Variants in NINJ2 observed in about 807,000 individuals in gnomAD.
The protein encoded by NINJ2 is ninjurin-2.
A neutral mutation model predicts 11.7 loss-of-function variants in NINJ2; 12 were observed. The ratio of observed to expected loss-of-function variants is 1.02; its 90% confidence interval spans 0.66 to 1.66. The LOEUF is 1.66. NINJ2 is among the 40% of genes most tolerant of loss of function. NINJ2 has a pLI of 0.00. For missense variants in NINJ2, 187 were observed against 181.8 expected, an observed-to-expected ratio of 1.03 and a Z score of -0.16; for synonymous variants, 93 against 76.8, an observed-to-expected ratio of 1.21 and a Z score of -1.10.
intron 1 of NINJ2, among the ~76,000 whole-genome samples, chr12:597,183 G>A (rs1947799449): frequency 6.6e-6 from 1 of 152,182 alleles, no homozygotes. Flanking sequence ...GTAGGCTGTG[G>A]GTTTCCGGGT....
At chr12:611,176 T>TCTTTTCTTTCCTC (rs945289520) in intron 1 of NINJ2, among the ~76,000 whole-genome samples, 2 of 149,332 alleles carry the variant, frequency 1.3e-5, no homozygotes, top group Admixed American at 1.3e-4. Context: ...TTTCTTTCCT[T>TCTTTTCTTTCCTC]CTTTTCTTTC....
chr12:620,811 G>A (rs1047013305), intron 1 of NINJ2, among the ~76,000 whole-genome samples: 2 of 152,124 alleles, frequency 1.3e-5, no homozygotes, highest in African/African-American at 4.8e-5. Context: ...TGTATTTTTA[G>A]TAGAGACGGG....
rs907830144 is a variant in NINJ2 at position 633,811 on chromosome 12, T to TA, written c.33+29516dup. 2.4e-4 allele frequency among the ~76,000 whole-genome samples: 37 copies of TA among 152,016 alleles called. No individual in the cohort carries two copies. Among genetic ancestry groups the TA allele is most frequent in the Middle Eastern group, 3.4e-3 (1 of 294 alleles). Reference sequence around the variant, plus strand: ...TCCTGGGTAACAGAGTGAGATTGTGTAAAAAAAACAAACCACTTTAGAGTT... The same window carrying TA: ...TCCTGGGTAACAGAGTGAGATTGTGTAAAAAAAAACAAACCACTTTAGAGTT... On this transcript the variant is annotated intron_variant, in intron 1 of 3. Transcript: ENST00000305108. The surrounding 1 kb of genome is among the most constrained non-coding windows in gnomAD (Gnocchi z 4.3).
At chr12:648,143 G>A (rs1455125033) in intron 1 of NINJ2, among the ~76,000 whole-genome samples, 10 of 152,046 alleles carry the variant, frequency 6.6e-5, no homozygotes, top group African/African-American at 2.4e-4. Context: ...TGTGATCCTC[G>A]GCTCACTGCA....
chr12:575,329 G>C (rs544213445), intron 1 of NINJ2, among the ~76,000 whole-genome samples: 1 of 152,088 alleles, frequency 6.6e-6, no homozygotes, highest in African/African-American at 2.4e-5. Flanking sequence ...CCTGAAGAGC[G>C]AACCCTGTGC....
At chr12:599,523 A>C (rs1482073894) in intron 1 of NINJ2, among the ~76,000 whole-genome samples, 1 of 152,232 alleles carries the variant, frequency 6.6e-6, no homozygotes, top group African/African-American at 2.4e-5. Context: ...CACGTTGAGC[A>C]GCGTGTAAGA....
intron 1 of NINJ2, among the ~76,000 whole-genome samples, chr12:651,599 G>T (rs1937786786): frequency 6.6e-6 from 1 of 152,230 alleles, no homozygotes; most frequent in Non-Finnish European, 1.5e-5. Context: ...AATTGGAAGA[G>T]AAGAGCAAGC....
chr12:618,889 C>T (rs1948123202), intron 1 of NINJ2, among the ~76,000 whole-genome samples: 1 of 152,182 alleles, frequency 6.6e-6, no homozygotes, highest in African/African-American at 2.4e-5. Flanking sequence ...AGAGCCAAGG[C>T]CTCCAATGGC....
chr12:603,507 T>A (rs1461702591), intron 1 of NINJ2, among the ~76,000 whole-genome samples: 1 of 152,220 alleles, frequency 6.6e-6, no homozygotes, highest in African/African-American at 2.4e-5. Flanking sequence ...TTTACTTACA[T>A]TTTGTTCTAA....
chr12:651,869 G>A lies in NINJ2; in HGVS notation c.33+11459C>T, dbSNP rs118172315. The stretch of plus-strand genomic sequence containing the variant: ...CTAAGGAAAGAATCTCTGAGCTTAC[G>A]CATATCTCATAGAAGGCCCCTACAT... On this transcript the variant is annotated intron_variant, in intron 1 of 3. Transcript: ENST00000305108. 5.9e-3 allele frequency among the ~76,000 whole-genome samples: 892 copies of A among 152,270 alleles called. 3 individuals are homozygous for A. Among genetic ancestry groups the A allele is most frequent in the Middle Eastern group, 0.01 (3 of 294 alleles).
chr12:610,604 C>G (rs1426902541), intron 1 of NINJ2: 3 of 985,200 alleles, frequency 3.0e-6, no homozygotes, highest in Non-Finnish European at 3.6e-6. Context: ...AGCCCAGCCA[C>G]AGGAGGGGGT....
Position 626,021 on chromosome 12 carries a change from G to A in NINJ2, c.33+37307C>T, listed in dbSNP as rs1948207255. On this transcript the variant is annotated intron_variant, in intron 1 of 3. Transcript: ENST00000305108. The stretch of plus-strand genomic sequence containing the variant: ...TGTAAGAGTTTCATTAAATTTAGGA[G>A]AATCATTCCCTTTGAATGAGGACTG... Among the ~76,000 whole-genome samples, 3 of 152,202 alleles carry A rather than the reference G, an allele frequency of 2.0e-5. No homozygotes were observed. The South Asian group carries it at 6.2e-4, about 31-fold the overall frequency.
Position 565,361 on chromosome 12 carries a change from G to A in NINJ2, c.303C>T (p.Leu101=), listed in dbSNP as rs778197324. 4 of 1,614,200 alleles carry A rather than the reference G, an allele frequency of 2.5e-6. No individual in the cohort carries two copies. In the South Asian group the frequency reaches 3.3e-5, roughly 13 times the overall value. ...TGGTGGCTGCGTTGTTGAGCTGGTT[G>A]AGTCGCCACTGCTTTTCTACCTCAT... The part of the protein sequence containing the change: ...NLNEVEKQWR[L]NQLNNAATIL... Residue 101 remains leucine, a synonymous_variant, in exon 3 of 4, where the codon CTC becomes CTT. Coordinates refer to ENST00000305108, the MANE Select transcript of NINJ2 (RefSeq NM_016533.6).
Position 578,338 on chromosome 12 carries a change from C to G in NINJ2, c.34-12160G>C, listed in dbSNP as rs924866877. On this transcript the variant is annotated intron_variant, in intron 1 of 3. Transcript: ENST00000305108. Reference sequence around the variant, plus strand: ...TAACTCGGTGCCTGAGGGGTGTTGTCTGCGGCTTGCCCTGCTACAACCCAG... The same window carrying G: ...TAACTCGGTGCCTGAGGGGTGTTGTGTGCGGCTTGCCCTGCTACAACCCAG... Among the ~76,000 whole-genome samples, 3 of 152,136 alleles carry G rather than the reference C, an allele frequency of 2.0e-5. No homozygotes were observed. In the East Asian group the frequency reaches 5.8e-4, roughly 29 times the overall value.
chr12:629,561 G>A (rs1049672483), intron 1 of NINJ2, among the ~76,000 whole-genome samples: 5 of 152,064 alleles, frequency 3.3e-5, no homozygotes, highest in Non-Finnish European at 7.4e-5. Context: ...TTTGAACGCG[G>A]CCCAAAACAA....
At chr12:594,766 A>G (rs1947760588) in intron 1 of NINJ2, among the ~76,000 whole-genome samples, 1 of 152,244 alleles carries the variant, frequency 6.6e-6, no homozygotes. Flanking sequence ...AACTTGATCT[A>G]TAGATTCAAT....
chr12:593,606 T>C (rs1947744440), intron 1 of NINJ2, among the ~76,000 whole-genome samples: 1 of 152,044 alleles, frequency 6.6e-6, no homozygotes, highest in Non-Finnish European at 1.5e-5. Context: ...TTCCAGCTAC[T>C]CAAGAGGCTG....
rs992739397 is a variant in NINJ2 at position 633,519 on chromosome 12, T to A, written c.33+29809A>T. Reference sequence around the variant, plus strand: ...TCTCCAAAAAAAAAAAATCATGTCATTTAAAAACTTCTGAGGCTGGGCCCA... The same window carrying A: ...TCTCCAAAAAAAAAAAATCATGTCAATTAAAAACTTCTGAGGCTGGGCCCA... On this transcript the variant is annotated intron_variant, in intron 1 of 3. Coordinates refer to ENST00000305108, the MANE Select transcript of NINJ2 (RefSeq NM_016533.6). This position sits in a 1 kb window ranked among gnomAD's most constrained non-coding sequence, Gnocchi z 4.3. 5.3e-5 allele frequency among the ~76,000 whole-genome samples: 8 copies of A among 151,668 alleles called. No individual in the cohort carries two copies. Among genetic ancestry groups the A allele is most frequent in the Admixed American group, 3.9e-4 (6 of 15,250 alleles).
chr12:660,988 A>G (rs930345427), intron 1 of NINJ2, among the ~76,000 whole-genome samples: 4 of 152,196 alleles, frequency 2.6e-5, no homozygotes, highest in African/African-American at 9.7e-5. Flanking sequence ...TAAACATTAT[A>G]ATAAAAAGCT....
Sources: allele counts gnomAD v4.1 joint callset (sites outside exome capture counted in the v4.1 genomes callset), GRCh38; gene constraint gnomAD v4.1.1; non-coding constraint Gnocchi (gnomAD v3.1); transcripts MANE v1.5; gene names NCBI Gene and HGNC (gene_info 2026-07-23, HGNC 2026-07-21).